The following ACAP2 variants were observed in gnomAD, a reference collection of about 807,000 sequenced individuals.
ACAP2 encodes the protein ArfGAP with coiled-coil, ankyrin repeat and PH domains 2.
ACAP2 carries 39 observed loss-of-function variants against 115.8 expected under a neutral mutation model. The ratio of observed to expected loss-of-function variants is 0.34; its 90% CI spans 0.26 to 0.44. The LOEUF is 0.44. Among genes scored for constraint, ACAP2 ranks in the 20% least tolerant of loss-of-function variants. The pLI is 1.00. For synonymous variants in ACAP2, 289 were observed against 315.8 expected, an observed-to-expected ratio of 0.92 and a Z score of 0.90; for missense variants, 662 against 927.6, an observed-to-expected ratio of 0.71 and a Z score of 3.72.
chr3:195,442,823 C>A lies in ACAP2; in HGVS notation c.25G>T (p.Glu9Ter). 6.5e-7 allele frequency: 1 copy of A among 1,530,032 alleles called. No homozygotes were observed. The highest frequency in any genetic ancestry group is 8.8e-7 in the Non-Finnish European group (1 of 1,138,608). The allele number at this position is 1,530,032 out of a possible 1,614,324, so 94.8% of individuals were successfully genotyped here. A position where few individuals can be genotyped will look rare whatever the true frequency, so the allele number is the denominator to read the frequency against. The stretch of plus-strand genomic sequence containing the variant: ...AAGCGGGGCGAGTCCTTCAGACACT[C>A]CTCGAAATCCACAGTCATCTTCATC... MKMTVDFE[E>*]CLKDSPRFRA... is the part of the protein sequence containing the mutation. The change falls in exon 1 of 23, where the codon GAG becomes TAG. Residue 9 changes from glutamate to a stop codon, truncating the protein, a stop_gained. Coordinates refer to ENST00000326793, the MANE Select transcript of ACAP2 (RefSeq NM_012287.6). LOFTEE classifies it high-confidence loss of function.
chr3:195,351,129 T>TTTG (rs75945777), intron 4 of ACAP2, among the ~76,000 whole-genome samples: 3 of 131,864 alleles, frequency 2.3e-5, no homozygotes, highest in Admixed American at 7.6e-5. Flanking sequence ...TTTTTTTTTT[T>TTTG]GGGCGGGGGA....
chr3:195,372,987 CAAAA>C (rs869134113), intron 4 of ACAP2, among the ~76,000 whole-genome samples: 189 of 17,710 alleles, frequency 0.011, no homozygotes, highest in African/African-American at 0.028. Context: ...GACTCCATCT[CAAAA>C]AAAAAAAAAA....
rs1309850569 is a variant in ACAP2 at position 195,306,614 on chromosome 3, C to T, written c.1013G>A (p.Ser338Asn). Reference sequence around the variant, plus strand: ...TTCGGAATCTGCCTGGAGCATGCAACTTCTAAAAGGAAATAACATATTGTT... The same window carrying T: ...TTCGGAATCTGCCTGGAGCATGCAATTTCTAAAAGGAAATAACATATTGTT... ...FCFEVVSPTK[S>N]CMLQADSEKL... The change falls in exon 13 of 23, where the codon AGT (serine) becomes AAT (asparagine). Residue 338 changes from serine (S) to asparagine (N), a missense_variant and splice_region_variant. Coordinates refer to ENST00000326793, the MANE Select transcript of ACAP2 (RefSeq NM_012287.6). The T allele has an allele frequency of 1.2e-6, 2 of 1,609,990 alleles. No homozygotes were observed. Among genetic ancestry groups the T allele is most frequent in the South Asian group, 2.2e-5 (2 of 90,556 alleles).
chr3:195,400,319 G>C (rs558446869), intron 1 of ACAP2, among the ~76,000 whole-genome samples: 1 of 152,016 alleles, frequency 6.6e-6, no homozygotes, highest in South Asian at 2.1e-4. Flanking sequence ...TGGGCCTTCA[G>C]CTTCTCATAT....
chr3:195,336,886 G>T, intron 7 of ACAP2, 46 bp downstream of exon 7: 1 of 1,451,186 alleles, frequency 6.9e-7, no homozygotes, highest in Non-Finnish European at 9.6e-7. Flanking sequence ...CGTACATTTA[G>T]TTTCATATTA....
In ACAP2 at chr3:195,301,206, C is replaced by T. The variant is rs557250742; in HGVS notation, c.1395+369G>A. On this transcript the variant is annotated intron_variant, in intron 15 of 22. Coordinates refer to ENST00000326793, the MANE Select transcript of ACAP2 (RefSeq NM_012287.6). ...GTTCACGCCATTCTCCTGCCTCAGC[C>T]TCCTGAGTAGCTAGGACTACAGGCA... is the stretch of plus-strand genomic sequence containing the variant. 4.1e-4 allele frequency among the ~76,000 whole-genome samples: 63 copies of T among 152,198 alleles called. No homozygotes were observed. In the Middle Eastern group the frequency reaches 0.017, roughly 41 times the overall value.
intron 15 of ACAP2, 130 bp from the exon 16 acceptor site, chr3:195,297,411 AAAG>A (rs1390441279): frequency 1.0e-5 from 7 of 689,224 alleles, no homozygotes; most frequent in African/African-American, 9.0e-5. Context: ...CTTATTCTAC[AAAG>A]AAGTTTTATG....
intron 1 of ACAP2, among the ~76,000 whole-genome samples, chr3:195,423,079 T>G (rs1714313751): frequency 6.6e-6 from 1 of 152,210 alleles, no homozygotes; most frequent in Admixed American, 6.5e-5. Context: ...ATGAAATTAT[T>G]TTTAGTGTTA....
chr3:195,279,469 A>G (rs750273581), intron 22 of ACAP2, 41 bp from the exon 23 acceptor site: 1 of 1,279,018 alleles, frequency 7.8e-7, no homozygotes, highest in Admixed American at 2.4e-5. Flanking sequence ...CATTTACACA[A>G]GTATTAATCA....
chr3:195,350,086 T>C (rs1222839176), intron 4 of ACAP2: 2 of 158,558 alleles, frequency 1.3e-5, no homozygotes, highest in African/African-American at 4.8e-5. Flanking sequence ...GACAGAATCA[T>C]GGCCCTCTAC....
rs1465695611 is a variant in ACAP2 at position 195,295,143 on chromosome 3, C to T, written c.1673-332G>A. On this transcript the variant is annotated intron_variant, in intron 17 of 22. Transcript: ENST00000326793. ...GTAACATCTAGAGAAATGGCCACACCGCACAATGACCACTGGCACAGACTT... is the reference window on the plus strand; with the variant it reads ...GTAACATCTAGAGAAATGGCCACACTGCACAATGACCACTGGCACAGACTT... 26 of 1,042,526 alleles carry T rather than the reference C, an allele frequency of 2.5e-5. No individual in the cohort carries two copies. The Admixed American group carries it at 3.9e-4, about 16-fold the overall frequency. The allele number at this position is 1,042,526 out of a possible 1,614,324, so 64.6% of individuals were successfully genotyped here.
intron 8 of ACAP2, among the ~76,000 whole-genome samples, chr3:195,327,183 C>T (rs4677825): frequency 0.83 from 125,732 of 152,120 alleles, 52,204 homozygotes; most frequent in East Asian, 0.94. Context: ...TTTCCAAGAA[C>T]AGTCATGGTG....
chr3:195,330,896 G>T (rs929908510), intron 8 of ACAP2, among the ~76,000 whole-genome samples: 3 of 152,112 alleles, frequency 2.0e-5, no homozygotes, highest in African/African-American at 7.2e-5. Context: ...CCCATTAGCT[G>T]GAATTTGGGT....
intron 1 of ACAP2, among the ~76,000 whole-genome samples, chr3:195,401,955 C>T (rs149279197): frequency 2.6e-5 from 4 of 152,274 alleles, no homozygotes; most frequent in African/African-American, 9.6e-5. Flanking sequence ...ACAATCTTCA[C>T]ACCATAAACC....
intron 10 of ACAP2, among the ~76,000 whole-genome samples, chr3:195,309,243 TA>T (rs1467884549): frequency 2.6e-5 from 4 of 152,148 alleles, no homozygotes; most frequent in Non-Finnish European, 5.9e-5. Flanking sequence ...ATATCGTGAA[TA>T]AAAGTATCCA....
chr3:195,283,479 T>C (rs962843074), intron 22 of ACAP2, among the ~76,000 whole-genome samples: 1 of 152,158 alleles, frequency 6.6e-6, no homozygotes, highest in Admixed American at 6.5e-5. Flanking sequence ...TGCATTTAAT[T>C]TACCCAGAGT....
At chr3:195,401,696 C>G (rs751747205) in intron 1 of ACAP2, among the ~76,000 whole-genome samples, 10 of 151,970 alleles carry the variant, frequency 6.6e-5, no homozygotes, top group African/African-American at 2.4e-4. Context: ...AGAACAGTAA[C>G]GTGAAATATG....
At chr3:195,390,819 T>C (rs1734621120) in intron 2 of ACAP2, among the ~76,000 whole-genome samples, 1 of 152,216 alleles carries the variant, frequency 6.6e-6, no homozygotes, top group Non-Finnish European at 1.5e-5. Context: ...TTCAAATATA[T>C]ACATCTGATT....
chr3:195,300,123 T>A (rs1727951556), intron 15 of ACAP2, among the ~76,000 whole-genome samples: 2 of 149,454 alleles, frequency 1.3e-5, no homozygotes, highest in East Asian at 4.2e-4. Flanking sequence ...CTCGGCTCAC[T>A]GCAACCTCTG....
Sources: allele counts gnomAD v4.1 joint callset (sites outside exome capture counted in the v4.1 genomes callset), GRCh38; gene constraint gnomAD v4.1.1; transcripts MANE v1.5; gene names NCBI Gene and HGNC (gene_info 2026-07-23, HGNC 2026-07-21).